DCDC1: variants seen among roughly 807,000 people sequenced by gnomAD.
DCDC1 encodes the protein doublecortin domain-containing protein 1.
In DCDC1, 200 loss-of-function variants were observed where a neutral mutation model predicts 178.3. The ratio of observed to expected loss-of-function variants is 1.12; its 90% CI spans 1.00 to 1.26. The LOEUF (loss-of-function observed/expected upper bound fraction) is 1.26. DCDC1 is among the 50% of genes most tolerant of loss of function. The pLI, the probability that DCDC1 is intolerant of heterozygous loss-of-function variation, is 0.00. For synonymous variants in DCDC1, 690 were observed against 604.8 expected, an observed-to-expected ratio of 1.14 and a Z score of -2.07; for missense variants, 1,983 against 1,749.2, an observed-to-expected ratio of 1.13 and a Z score of -2.38.
At chr11:30,950,698 G>A (rs1948364553) in intron 21 of DCDC1, among the ~76,000 whole-genome samples, 1 of 152,082 alleles carries the variant, frequency 6.6e-6, no homozygotes, top group African/African-American at 2.4e-5. Flanking sequence ...GGTTGCCAGA[G>A]CCTGGGAAAG....
At chr11:31,335,118 C>A (rs1026675287) in intron 2 of DCDC1, among the ~76,000 whole-genome samples, 1 of 152,186 alleles carries the variant, frequency 6.6e-6, no homozygotes, top group Non-Finnish European at 1.5e-5. Context: ...GTGGATACCC[C>A]TCCTCCTGCC....
At chr11:31,243,588 C>T (rs1014284625) in intron 8 of DCDC1, among the ~76,000 whole-genome samples, 6 of 151,582 alleles carry the variant, frequency 4.0e-5, no homozygotes, top group African/African-American at 1.5e-4. Context: ...AAAGCACTTA[C>T]TAGATCTAAC....
intron 1 of DCDC1, among the ~76,000 whole-genome samples, chr11:31,364,889 C>A (rs1251336777): frequency 6.6e-6 from 1 of 151,702 alleles, no homozygotes; most frequent in Non-Finnish European, 1.5e-5. Flanking sequence ...TCATTCACCT[C>A]TCCCTTCCTT....
intron 1 of DCDC1, among the ~76,000 whole-genome samples, chr11:31,344,513 G>T (rs765420049): frequency 3.3e-4 from 50 of 152,100 alleles, no homozygotes; most frequent in Non-Finnish European, 5.6e-4. Flanking sequence ...TGTCACTTTG[G>T]ACAAGTTACG....
intron 20 of DCDC1, among the ~76,000 whole-genome samples, chr11:31,014,170 C>A (rs532457257): frequency 6.6e-6 from 1 of 152,188 alleles, no homozygotes; most frequent in South Asian, 2.1e-4. Flanking sequence ...GAACAGACAC[C>A]AGAGACATAG....
intron 9 of DCDC1, among the ~76,000 whole-genome samples, chr11:31,212,710 G>T (rs1198464472): frequency 6.6e-6 from 1 of 152,108 alleles, no homozygotes; most frequent in Non-Finnish European, 1.5e-5. Flanking sequence ...ATGTAAATAG[G>T]CTCAAACTTC....
intron 1 of DCDC1, among the ~76,000 whole-genome samples, chr11:31,358,076 G>T (rs1354912208): frequency 6.6e-6 from 1 of 150,580 alleles, no homozygotes; most frequent in East Asian, 1.9e-4. Flanking sequence ...TCACAGAATT[G>T]GAAAAAACTA....
chr11:31,253,323 A>T (rs1239567879), intron 8 of DCDC1, among the ~76,000 whole-genome samples: 1 of 151,306 alleles, frequency 6.6e-6, no homozygotes, highest in African/African-American at 2.4e-5. Context: ...TGATATGCCC[A>T]GTTCCATCGT....
chr11:31,285,058 C>T (rs965309042), intron 7 of DCDC1, among the ~76,000 whole-genome samples: 1 of 151,844 alleles, frequency 6.6e-6, no homozygotes, highest in East Asian at 1.9e-4. Flanking sequence ...TAAATACATT[C>T]TTTTTTCTTT....
intron 20 of DCDC1, among the ~76,000 whole-genome samples, chr11:31,052,106 C>T (rs1955295859): frequency 6.6e-6 from 1 of 152,132 alleles, no homozygotes; most frequent in African/African-American, 2.4e-5. Flanking sequence ...CTTCAAGAGA[C>T]TCATCAACCA....
chr11:31,066,012 A>G (rs1290935090), intron 18 of DCDC1, among the ~76,000 whole-genome samples: 1 of 152,106 alleles, frequency 6.6e-6, no homozygotes, highest in African/African-American at 2.4e-5. Context: ...TGTAGCATAA[A>G]GGGGGGGATA....
chr11:30,903,739 A>G (rs1944871777), intron 31 of DCDC1, 56 bp from the exon 32 acceptor site: 17 of 1,359,672 alleles, frequency 1.3e-5, no homozygotes, highest in Non-Finnish European at 1.7e-5. Flanking sequence ...ATTGGGAATG[A>G]TCATTAAGAG....
At chr11:30,971,766 C>G (rs755059032) in intron 20 of DCDC1, among the ~76,000 whole-genome samples, 1 of 151,862 alleles carries the variant, frequency 6.6e-6, no homozygotes, top group Non-Finnish European at 1.5e-5. Context: ...CCCGCCACCA[C>G]GCCCAGCTAA....
intron 7 of DCDC1, 137 bp from the exon 8 acceptor site, chr11:31,265,737 T>C (rs1419639330): frequency 2.7e-6 from 1 of 364,610 alleles, no homozygotes; most frequent in Non-Finnish European, 4.7e-6. Flanking sequence ...AATGTTCTAA[T>C]ATATGAAATT....
intron 1 of DCDC1, among the ~76,000 whole-genome samples, chr11:31,350,724 T>A (rs1951028693): frequency 6.6e-6 from 1 of 152,164 alleles, no homozygotes. Context: ...AGGTAATATG[T>A]GACATGAAAC....
At chr11:30,898,459 C>T (rs1944401045) in intron 34 of DCDC1, among the ~76,000 whole-genome samples, 1 of 152,092 alleles carries the variant, frequency 6.6e-6, no homozygotes, top group Non-Finnish European at 1.5e-5. Context: ...AGTGACAAGG[C>T]TTACTGAATA....
At chr11:31,050,991 T>C (rs1266859568) in intron 20 of DCDC1, among the ~76,000 whole-genome samples, 1 of 152,036 alleles carries the variant, frequency 6.6e-6, no homozygotes, top group Admixed American at 6.6e-5. Context: ...AAATCCCTGA[T>C]TTACATGAAA....
intron 20 of DCDC1, among the ~76,000 whole-genome samples, chr11:31,040,738 A>G (rs1211699735): frequency 6.6e-6 from 1 of 152,238 alleles, no homozygotes; most frequent in Non-Finnish European, 1.5e-5. Context: ...TTTATCAGTT[A>G]GCCACACTTC....
At chr11:31,262,937 A>G in intron 8 of DCDC1, 2 of 1,127,714 alleles carry the variant, frequency 1.8e-6, no homozygotes, top group South Asian at 3.5e-5. Context: ...ATAAGCTTTT[A>G]TAAGGATGCA....
Sources: allele counts gnomAD v4.1 joint callset (sites outside exome capture counted in the v4.1 genomes callset), GRCh38; gene constraint gnomAD v4.1.1; transcripts MANE v1.5; gene names NCBI Gene and HGNC (gene_info 2026-07-23, HGNC 2026-07-21).